Variants in SETX observed in about 807,000 individuals in gnomAD.
SETX encodes senataxin, also known as helicase senataxin.
In SETX, 90 loss-of-function variants were observed where a neutral mutation model predicts 227.2. That is an observed-to-expected ratio of 0.40 (90% confidence interval 0.33 to 0.47). The LOEUF is 0.47. SETX is among the 20% of genes least tolerant of loss of function. The pLI is 0.91. For missense variants in SETX, 3,052 were observed against 3,181.5 expected, an observed-to-expected ratio of 0.96 and a Z score of 0.98; for synonymous variants, 1,210 against 1,113.2, an observed-to-expected ratio of 1.09 and a Z score of -1.73.
intron 25 of SETX, chr9:132,269,389 T>C: frequency 6.6e-7 from 1 of 1,523,330 alleles, no homozygotes; most frequent in Non-Finnish European, 8.9e-7. Context: ...GATAATTTGT[T>C]TTAAAATGGT....
chr9:132,332,897 T>TAG (rs5900974), intron 7 of SETX, among the ~76,000 whole-genome samples: 131,984 of 147,672 alleles, frequency 0.89, 59,099 homozygotes, highest in Non-Finnish European at 0.92. Flanking sequence ...GGGTGGGTGA[T>TAG]AGTGAGATCC....
At chr9:132,268,334 G>A (rs1444809567) in intron 25 of SETX, among the ~76,000 whole-genome samples, 2 of 152,164 alleles carry the variant, frequency 1.3e-5, no homozygotes, top group East Asian at 3.9e-4. Flanking sequence ...AACATGGTAA[G>A]ACCCTTTCTC....
chr9:132,288,533 C>T lies in SETX; in HGVS notation c.6208+17G>A, dbSNP rs182144319. The T allele has an allele frequency of 1.7e-4, 276 of 1,584,982 alleles. 3 individuals carry two copies. The African/African-American group carries it at 1.9e-3, about 11-fold the overall frequency. ...AAAACAGAGAAAACACTAGTATATA[C>T]CACATTCAGTACTTACTCATTCTGT... On this transcript the variant is annotated intron_variant, in intron 16 of 25. Transcript: ENST00000224140.
chr9:132,329,937 A>G lies in SETX; in HGVS notation c.1661T>C (p.Leu554Pro). ...GAGCTTATCCCAGAATCGCTTGCAA[A>G]GAGACTGCTGCCCAAGCTGATAACC... The part of the protein sequence containing the change: ...KEGYQLGQQS[L>P]CKRFWDKLNL... Residue 554 changes from leucine (L) to proline (P), a missense_variant, in exon 10 of 26, where the codon CTT (leucine) becomes CCT (proline). Leu to Pro is a moderately conservative substitution (Grantham distance 98). This residue lies in a region of SETX where 179 missense variants were observed against 197.1 expected (regional missense o/e 0.91). Transcript: ENST00000224140. 1 of 1,614,204 alleles carries G rather than the reference A, an allele frequency of 6.2e-7. No individual in the cohort carries two copies. The highest frequency in any genetic ancestry group is 8.5e-7 in the Non-Finnish European group (1 of 1,180,030).
rs2131213767 is a variant in SETX at position 132,283,386 on chromosome 9, T to C, written c.6424A>G (p.Ser2142Gly). ...EVQGRPQKTQ[S>G]IIILESHIIC... ...ATATGGGACTCTAAGATGATGATAC[T>C]CTGTGTTTTCTGTGGGCGTCCTTGA... Residue 2142 changes from serine (S) to glycine (G), a missense_variant, in exon 19 of 26, where the codon AGT (serine) becomes GGT (glycine). Ser to Gly is a moderately conservative substitution (Grantham distance 56). Coordinates refer to ENST00000224140, the MANE Select transcript of SETX (RefSeq NM_015046.7). 1 of 1,614,202 alleles carries C rather than the reference T, an allele frequency of 6.2e-7. No homozygotes were observed. The highest frequency in any genetic ancestry group is 2.2e-5 in the East Asian group (1 of 44,880).
Position 132,309,195 on chromosome 9 carries a change from A to C in SETX, c.5374+2562T>G, listed in dbSNP as rs188118439. On this transcript the variant is annotated intron_variant, in intron 11 of 25. Transcript: ENST00000224140. ...GGAGGACTTGCTCTGTGAGTTATTA[A>C]AACTTCTTATAAAGCTAGATTAAGT... Among the ~76,000 whole-genome samples the C allele has an allele frequency of 3.3e-5, 5 of 152,276 alleles. No individual in the cohort carries two copies. The East Asian group carries it at 9.7e-4, about 29-fold the overall frequency.
chr9:132,324,920 T>TA (rs1846611816), intron 10 of SETX, among the ~76,000 whole-genome samples: 1 of 152,218 alleles, frequency 6.6e-6, no homozygotes, highest in South Asian at 2.1e-4. Context: ...ATGCTTACAC[T>TA]AAAGAATTAT....
At chr9:132,292,672 C>G (rs1176754709) in intron 15 of SETX, among the ~76,000 whole-genome samples, 4 of 148,660 alleles carry the variant, frequency 2.7e-5, no homozygotes, top group Non-Finnish European at 5.9e-5. Flanking sequence ...CTCTGTCACC[C>G]AGGCTGGAGT....
Position 132,302,801 on chromosome 9 carries a change from T to C in SETX, c.5375-1998A>G, listed in dbSNP as rs572360166. 9.2e-5 allele frequency among the ~76,000 whole-genome samples: 14 copies of C among 151,854 alleles called. 1 individual carries two copies. The South Asian group carries it at 2.7e-3, about 29-fold the overall frequency. ...AAAACTGAAAGGCTGACTATCCAAT[T>C]TCAGTATTTTTTATAAAACAACAAT... is the stretch of plus-strand genomic sequence containing the variant. On this transcript the variant is annotated intron_variant, in intron 11 of 25. Coordinates refer to ENST00000224140, the MANE Select transcript of SETX (RefSeq NM_015046.7).
intron 20 of SETX, among the ~76,000 whole-genome samples, chr9:132,278,731 C>T (rs1424705748): frequency 2.6e-5 from 4 of 151,954 alleles, no homozygotes; most frequent in Non-Finnish European, 5.9e-5. Context: ...TGCTACAAGA[C>T]GCCACCCAAA....
Position 132,326,656 on chromosome 9 carries a change from G to C in SETX, c.4942C>G (p.Pro1648Ala). 6.2e-7 allele frequency: 1 copy of C among 1,614,190 alleles called. No individual in the cohort carries two copies. Among genetic ancestry groups the C allele is most frequent in the South Asian group, 1.1e-5 (1 of 91,086 alleles). Residue 1648 changes from proline to alanine, a missense_variant, in exon 10 of 26, where the codon CCA (proline) becomes GCA (alanine). Transcript: ENST00000224140. ...PQPVPLIAQK[P>A]VGEMKNSCNV... Reference sequence around the variant, plus strand: ...CACGAATTCTTCATTTCACCAACTGGCTTCTGAGCTATGAGGGGAACTGGC... The same window carrying C: ...CACGAATTCTTCATTTCACCAACTGCCTTCTGAGCTATGAGGGGAACTGGC...
In SETX at chr9:132,329,679, G is replaced by T. The variant is rs998278975; in HGVS notation, c.1919C>A (p.Ala640Asp). Residue 640 changes from alanine (A) to aspartate (D), a missense_variant, in exon 10 of 26, where the codon GCT (alanine) becomes GAT (aspartate). Physicochemically the swap from Ala to Asp is moderately radical, Grantham distance 126. Coordinates refer to ENST00000224140, the MANE Select transcript of SETX (RefSeq NM_015046.7). ...TTCTTTAGAAAATGTTGGGCTGGAA[G>T]CTTCCAAACAATGCATATCTTTTCT... ...TSRKDMHCLE[A>D]SSPTFSKEPM... is the part of the protein sequence containing the mutation. The T allele has an allele frequency of 6.2e-7, 1 of 1,613,942 alleles. No individual in the cohort carries two copies.
intron 25 of SETX, among the ~76,000 whole-genome samples, chr9:132,265,841 C>T (rs1407365686): frequency 6.6e-6 from 1 of 152,158 alleles, no homozygotes; most frequent in African/African-American, 2.4e-5. Flanking sequence ...CTTCTGAGTG[C>T]ATGTGACTAT....
Position 132,280,060 on chromosome 9 carries a change from G to GC in SETX, c.6654+1406dup, listed in dbSNP as rs1843410813. 2.0e-5 allele frequency among the ~76,000 whole-genome samples: 3 copies of GC among 152,110 alleles called. No individual in the cohort carries two copies. In the South Asian group the frequency reaches 6.2e-4, roughly 31 times the overall value. The stretch of plus-strand genomic sequence containing the variant: ...TGTTTTCTTCACTGTCATAACCCCA[G>GC]CCCCTAAACAGTGCCTGAATTATGG... On this transcript the variant is annotated intron_variant, in intron 20 of 25. Transcript: ENST00000224140.
At chr9:132,344,573 ATTTT>A (rs1848180610) in intron 4 of SETX, among the ~76,000 whole-genome samples, 2 of 152,142 alleles carry the variant, frequency 1.3e-5, no homozygotes, top group Non-Finnish European at 2.9e-5. Context: ...AATGAACTAG[ATTTT>A]AGTATCGTTA....
Position 132,264,407 on chromosome 9 carries a change from A to C in SETX, c.7866T>G (p.Cys2622Trp). 1 of 1,613,990 alleles carries C rather than the reference A, an allele frequency of 6.2e-7. No individual in the cohort carries two copies. The highest frequency in any genetic ancestry group is 8.5e-7 in the Non-Finnish European group (1 of 1,179,996). Residue 2622 changes from cysteine (C) to tryptophan (W), a missense_variant, in exon 26 of 26, where the codon TGT becomes TGG. Coordinates refer to ENST00000224140, the MANE Select transcript of SETX (RefSeq NM_015046.7). Reference sequence around the variant, plus strand: ...GACAGAGCTCCTCTTCCGGGTCATCACATTTGCTCTGACACGTGGAAGCCT... The same window carrying C: ...GACAGAGCTCCTCTTCCGGGTCATCCCATTTGCTCTGACACGTGGAAGCCT... ...SPEASTCQSKCDDPEEELCHR... is the reference protein window; with the variant it reads ...SPEASTCQSKWDDPEEELCHR...
chr9:132,285,245 C>A (rs1191828922), intron 18 of SETX, among the ~76,000 whole-genome samples: 3 of 151,942 alleles, frequency 2.0e-5, no homozygotes, highest in Admixed American at 2.0e-4. Context: ...TTATGGGAAG[C>A]AGAAATAGAG....
intron 2 of SETX, among the ~76,000 whole-genome samples, chr9:132,350,342 T>G (rs1564167478): frequency 6.6e-6 from 1 of 152,064 alleles, no homozygotes; most frequent in Non-Finnish European, 1.5e-5. Context: ...AGAGTGAAAC[T>G]CTGTCTCAAA....
chr9:132,354,955 A>G lies in SETX; in HGVS notation c.-153T>C, dbSNP rs989979111. 1.3e-5 allele frequency: 2 copies of G among 151,328 alleles called. No individual in the cohort carries two copies. The highest frequency in any genetic ancestry group is 2.0e-4 in the East Asian group (1 of 5,080). The allele number at this position is 151,328 out of a possible 1,614,324, so 9.4% of individuals were successfully genotyped here. A position where few individuals can be genotyped will look rare whatever the true frequency, so the allele number is the denominator to read the frequency against. Reference sequence around the variant, plus strand: ...GCGTCGGCCTCTAGCCCACCTCCATACCGGGCCCCGCTCTAGGCCACCAGC... The same window carrying G: ...GCGTCGGCCTCTAGCCCACCTCCATGCCGGGCCCCGCTCTAGGCCACCAGC... On this transcript the variant is annotated 5_prime_UTR_variant, in exon 1 of 26. Coordinates refer to ENST00000224140, the MANE Select transcript of SETX (RefSeq NM_015046.7).
Sources: gnomAD v4.1 joint callset for allele counts (sites outside exome capture counted in the v4.1 genomes callset) on GRCh38, gnomAD v4.1.1 for gene constraint, gnomAD v4.1.1 regional missense constraint, MANE v1.5 for transcripts, NCBI Gene and HGNC (gene_info 2026-07-23, HGNC 2026-07-21) for gene names.